GRK5: variants seen among roughly 807,000 people sequenced by gnomAD.
GRK5 encodes the protein G protein-coupled receptor kinase 5, also known as g protein-coupled receptor kinase GRK5.
A neutral mutation model predicts 78.4 loss-of-function variants in GRK5; 40 were observed. The ratio of observed to expected loss-of-function variants is 0.51; its 90% CI spans 0.40 to 0.66. The LOEUF is 0.66. GRK5 is among the 30% of genes least tolerant of loss of function. The pLI, the probability that GRK5 is intolerant of heterozygous loss-of-function variation, is 0.00. For synonymous variants in GRK5, 289 were observed against 296.8 expected, an observed-to-expected ratio of 0.97 and a Z score of 0.27; for missense variants, 598 against 759.9, an observed-to-expected ratio of 0.79 and a Z score of 2.50.
chr10:119,313,062 GTGGTGGTGA>G (rs757904422), intron 1 of GRK5, among the ~76,000 whole-genome samples: 5 of 44,910 alleles, frequency 1.1e-4, no homozygotes, highest in African/African-American at 2.9e-4. Context: ...AATGATGATG[GTGGTGGTGA>G]TGGTGGTGGT....
At chr10:119,358,994 A>C (rs1160777632) in intron 2 of GRK5, among the ~76,000 whole-genome samples, 1 of 152,070 alleles carries the variant, frequency 6.6e-6, no homozygotes, top group African/African-American at 2.4e-5. Context: ...ATTTAACCTT[A>C]ATTACCTCCC....
chr10:119,395,052 C>G (rs182960429), intron 3 of GRK5, among the ~76,000 whole-genome samples: 1 of 144,654 alleles, frequency 6.9e-6, no homozygotes, highest in Non-Finnish European at 1.5e-5. Context: ...TCTGCCCACG[C>G]GGCGCAGTGG....
chr10:119,370,392 G>A lies in GRK5; in HGVS notation c.149-10423G>A, dbSNP rs150989452. Among the ~76,000 whole-genome samples the A allele has an allele frequency of 9.5e-4, 144 of 152,296 alleles. 2 individuals are homozygous for A. The highest frequency in any genetic ancestry group is 2.1e-3 in the South Asian group (10 of 4,818). Reference sequence around the variant, plus strand: ...ACATGTGACAAGCACAAGACATTCCGTAAAACTAGAGCCCAGAACGAGAGG... The same window carrying A: ...ACATGTGACAAGCACAAGACATTCCATAAAACTAGAGCCCAGAACGAGAGG... On this transcript the variant is annotated intron_variant, in intron 2 of 15. Transcript: ENST00000392870.
At chr10:119,243,794 A>G (rs897047580) in intron 1 of GRK5, among the ~76,000 whole-genome samples, 33 of 152,222 alleles carry the variant, frequency 2.2e-4, no homozygotes, top group African/African-American at 7.7e-4. Flanking sequence ...AAGGAGTGCC[A>G]CACAGTGAAA....
intron 6 of GRK5, among the ~76,000 whole-genome samples, chr10:119,427,872 G>C (rs998088854): frequency 4.7e-5 from 7 of 147,900 alleles, no homozygotes; most frequent in Non-Finnish European, 8.8e-5. Flanking sequence ...ATATCCCACT[G>C]CCATCAACAG....
At chr10:119,451,554 C>G (rs1208441936) in intron 13 of GRK5, among the ~76,000 whole-genome samples, 1 of 152,210 alleles carries the variant, frequency 6.6e-6, no homozygotes, top group Non-Finnish European at 1.5e-5. Flanking sequence ...TGTGGTCTTG[C>G]TTCCAGCTAA....
At chr10:119,394,294 C>CCGTGTATCTATGTGTGGGTGTGTGTG (rs1564916955) in intron 3 of GRK5, among the ~76,000 whole-genome samples, 48 of 4,004 alleles carry the variant, frequency 0.012, no homozygotes, top group East Asian at 0.047. Context: ...GGGTGTGTAT[C>CCGTGTATCTATGTGTGGGTGTGTGTG]TGTGTGTCTG....
intron 2 of GRK5, among the ~76,000 whole-genome samples, chr10:119,365,890 G>A (rs1027009132): frequency 6.6e-6 from 1 of 152,248 alleles, no homozygotes. Flanking sequence ...TTGGAAACAA[G>A]TATGTTATGA....
intron 8 of GRK5, 31 bp from the exon 9 acceptor site, chr10:119,436,620 C>A: frequency 6.2e-6 from 10 of 1,609,084 alleles, no homozygotes; most frequent in Non-Finnish European, 8.5e-6. Context: ...ATTGTCACAA[C>A]CTCCCCATGG....
Position 119,455,043 on chromosome 10 carries a change from C to T in GRK5, c.1749C>T (p.Ser583=), listed in dbSNP as rs764441095. The T allele has an allele frequency of 1.5e-5, 24 of 1,613,928 alleles. No individual in the cohort carries two copies. The highest frequency in any genetic ancestry group is 1.9e-5 in the Non-Finnish European group (23 of 1,179,900). ...ACCACATAAACTCAAACCATGTCAGCTCGAACTCCACCGGAAGCAGCTAGT... is the reference window on the plus strand; with the variant it reads ...ACCACATAAACTCAAACCATGTCAGTTCGAACTCCACCGGAAGCAGCTAGT... ...FNHHINSNHV[S]SNSTGSS The change falls in exon 16 of 16, where the codon AGC becomes AGT. Residue 583 remains serine (S), a synonymous_variant. Coordinates refer to ENST00000392870, the MANE Select transcript of GRK5 (RefSeq NM_005308.3).
intron 1 of GRK5, among the ~76,000 whole-genome samples, chr10:119,275,926 A>G (rs1849663551): frequency 6.6e-6 from 1 of 152,178 alleles, no homozygotes; most frequent in Non-Finnish European, 1.5e-5. Context: ...AAACACAGAC[A>G]GTGACCCGAT....
chr10:119,252,291 C>A (rs1849217035), intron 1 of GRK5, among the ~76,000 whole-genome samples: 1 of 152,176 alleles, frequency 6.6e-6, no homozygotes, highest in Non-Finnish European at 1.5e-5. Flanking sequence ...CCCAGGCCTG[C>A]GACGGGCAGA....
rs1849244898 is a variant in GRK5 at position 119,254,151 on chromosome 10, T to C, written c.52+46182T>C. 2.6e-5 allele frequency among the ~76,000 whole-genome samples: 4 copies of C among 152,238 alleles called. No individual in the cohort carries two copies. In the South Asian group the frequency reaches 8.3e-4, roughly 32 times the overall value. Reference sequence around the variant, plus strand: ...GGACTCTTGTAATTCTAAGCGCCTTTGAAAAATGCTTTCAGAATCATCCAG... The same window carrying C: ...GGACTCTTGTAATTCTAAGCGCCTTCGAAAAATGCTTTCAGAATCATCCAG... On this transcript the variant is annotated intron_variant, in intron 1 of 15. Coordinates refer to ENST00000392870, the MANE Select transcript of GRK5 (RefSeq NM_005308.3).
chr10:119,273,779 T>C lies in GRK5; in HGVS notation c.53-52737T>C, dbSNP rs116470597. On this transcript the variant is annotated intron_variant, in intron 1 of 15. Transcript: ENST00000392870. ...GCACAGTCTCCTTCCCTCAATCCTA[T>C]GTGTTCTTTTTTTTGATGGAGTCTC... 4.6e-3 allele frequency among the ~76,000 whole-genome samples: 695 copies of C among 152,276 alleles called. 6 individuals carry two copies. Among genetic ancestry groups the C allele is most frequent in the African/African-American group, 0.016 (671 of 41,532 alleles).
intron 2 of GRK5, among the ~76,000 whole-genome samples, chr10:119,332,696 A>G (rs564978068): frequency 6.6e-6 from 1 of 151,960 alleles, no homozygotes; most frequent in Admixed American, 6.6e-5. Flanking sequence ...GCTGGCCCTC[A>G]CCTTCATCTT....
intron 4 of GRK5, among the ~76,000 whole-genome samples, chr10:119,404,661 C>T (rs1030329901): frequency 2.0e-5 from 3 of 152,146 alleles, no homozygotes; most frequent in Non-Finnish European, 4.4e-5. Flanking sequence ...TACATTTAGC[C>T]CCATGACCCG....
At chr10:119,251,128 T>C (rs776359863) in intron 1 of GRK5, among the ~76,000 whole-genome samples, 13 of 152,052 alleles carry the variant, frequency 8.5e-5, no homozygotes, top group Non-Finnish European at 1.8e-4. Flanking sequence ...ACGTTGACAT[T>C]AAGAAACAAC....
chr10:119,241,299 C>T (rs931912401), intron 1 of GRK5, among the ~76,000 whole-genome samples: 38 of 152,174 alleles, frequency 2.5e-4, no homozygotes, highest in Non-Finnish European at 4.7e-4. Context: ...ACTGCGGTTT[C>T]CTACGGGCAA....
chr10:119,432,284 A>G (rs755547235), intron 8 of GRK5, among the ~76,000 whole-genome samples: 17 of 152,162 alleles, frequency 1.1e-4, no homozygotes, highest in Non-Finnish European at 2.1e-4. Context: ...TCTGCTACAC[A>G]CTGTTATAAA....
Sources: gnomAD v4.1 joint callset for allele counts (sites outside exome capture counted in the v4.1 genomes callset) on GRCh38, gnomAD v4.1.1 for gene constraint, MANE v1.5 for transcripts, NCBI Gene and HGNC (gene_info 2026-07-23, HGNC 2026-07-21) for gene names.